PCDHA6: variants seen among roughly 807,000 people sequenced by gnomAD.
PCDHA6 encodes the protein protocadherin alpha-6.
PCDHA6 carries 55 observed loss-of-function variants against 60.3 expected under a neutral mutation model. The ratio of observed to expected loss-of-function variants is 0.91; its 90% confidence interval spans 0.73 to 1.14. The LOEUF (loss-of-function observed/expected upper bound fraction) is 1.14, where lower values mean the gene tolerates loss of function less well. PCDHA6 is among the 50% of genes most tolerant of loss of function. The pLI, the probability that PCDHA6 is intolerant of heterozygous loss-of-function variation, is 0.00. For missense variants in PCDHA6, 1,327 were observed against 1,256.5 expected (o/e 1.06, Z -0.85); for synonymous variants, 652 against 557.9 (o/e 1.17, Z -2.38).
chr5:140,871,137 T>C, intron 1 of PCDHA6: 1 of 1,613,416 alleles, frequency 6.2e-7, no homozygotes, highest in East Asian at 2.2e-5. Flanking sequence ...CAAAGGCCTC[T>C]TCCCGGACTT....
At chr5:140,924,902 A>T (rs1484044152) in intron 1 of PCDHA6, among the ~76,000 whole-genome samples, 1 of 39,026 alleles carries the variant, frequency 2.6e-5, no homozygotes, top group African/African-American at 7.6e-5. Context: ...CTCAAAAAAA[A>T]AAATAAAATA....
rs2042039547 is a variant in PCDHA6 at position 140,851,365 on chromosome 5, CT to C, written c.2394+20881del. The C allele has an allele frequency of 3.1e-6, 3 of 976,302 alleles. 1 individual carries two copies. Among genetic ancestry groups the C allele is most frequent in the Non-Finnish European group, 3.7e-6 (3 of 804,962 alleles). The allele number at this position is 976,302 out of a possible 1,614,324, so 60.5% of individuals were successfully genotyped here. On this transcript the variant is annotated intron_variant, in intron 1 of 3. Transcript: ENST00000529310. Reference sequence around the variant, plus strand: ...TTCTCTGGATGGAGACTGTGAACATCTGATTGTTCAGCAACCTTCAGTATCT... The same window carrying C: ...TTCTCTGGATGGAGACTGTGAACATCGATTGTTCAGCAACCTTCAGTATCT...
intron 1 of PCDHA6, among the ~76,000 whole-genome samples, chr5:140,903,753 A>ACTTGATGACCCATAGTCAAATGTTCAG (rs2070561730): frequency 2.0e-5 from 3 of 152,186 alleles, no homozygotes; most frequent in Non-Finnish European, 4.4e-5. Flanking sequence ...GTTTCCCTTG[A>ACTTGATGACCCATAGTCAAATGTTCAG]TTTTTGCTGA....
chr5:140,969,166 C>T lies in PCDHA6; in HGVS notation c.2395-9783C>T, dbSNP rs1554231524. ...GCTACAAGGCCTGTCTGACAGCAGG[C>T]TCAGGGAGTGACACTTTCATGTTTT... On this transcript the variant is annotated intron_variant, in intron 1 of 3. Transcript: ENST00000529310. 2.5e-6 allele frequency: 4 copies of T among 1,614,092 alleles called. No homozygotes were observed. In the South Asian group the frequency reaches 4.4e-5, roughly 18 times the overall value.
chr5:140,883,973 G>A (rs782157297), intron 1 of PCDHA6: 45 of 1,612,722 alleles, frequency 2.8e-5, no homozygotes, highest in Non-Finnish European at 3.5e-5. Flanking sequence ...GCTGACGCCC[G>A]GGGCTGGCAG....
chr5:140,869,434 G>A, intron 1 of PCDHA6: 1 of 1,614,218 alleles, frequency 6.2e-7, no homozygotes, highest in Non-Finnish European at 8.5e-7. Flanking sequence ...GGTGATCGTG[G>A]ACAGGCCGCT....
chr5:140,906,194 A>C (rs543979654), intron 1 of PCDHA6, among the ~76,000 whole-genome samples: 6 of 152,288 alleles, frequency 3.9e-5, no homozygotes, highest in African/African-American at 1.2e-4. Context: ...AATCCAATCA[A>C]GTTGACACTC....
At chr5:140,897,758 C>T (rs2066305789) in intron 1 of PCDHA6, among the ~76,000 whole-genome samples, 3 of 152,140 alleles carry the variant, frequency 2.0e-5, no homozygotes, top group Non-Finnish European at 4.4e-5. Context: ...CCTGAGGAAT[C>T]GCCACACTGA....
chr5:140,886,844 A>G (rs11748231), intron 1 of PCDHA6, among the ~76,000 whole-genome samples: 22,325 of 150,652 alleles, frequency 0.15, 1,711 homozygotes, highest in Middle Eastern at 0.2. Context: ...AAAAAAAAAA[A>G]AAAGAAAGGT....
At chr5:140,836,468 T>G (rs1227457835) in intron 1 of PCDHA6, 1 of 1,613,696 alleles carries the variant, frequency 6.2e-7, no homozygotes, top group African/African-American at 1.3e-5. Flanking sequence ...AGCTGGTGGA[T>G]GTCAACGTGT....
intron 1 of PCDHA6, chr5:140,863,200 GC>G: frequency 1.1e-6 from 1 of 918,418 alleles, no homozygotes. Context: ...GGCGTCGCTG[GC>G]GGAGAGCAGC....
chr5:140,863,076 G>C (rs782126148), intron 1 of PCDHA6: 2 of 570,034 alleles, frequency 3.5e-6, no homozygotes, highest in South Asian at 2.7e-5. Context: ...GGCTCTGCAC[G>C]GGCGAGATCA....
At position 140,829,959 on chromosome 5, in the gene PCDHA6, G is replaced by T. The variant is rs1206602805; in HGVS notation, c.1868G>T (p.Arg623Leu). The T allele has an allele frequency of 1.2e-6, 2 of 1,613,960 alleles. No individual in the cohort carries two copies. Among genetic ancestry groups the T allele is most frequent in the Non-Finnish European group, 1.7e-6 (2 of 1,179,910 alleles). Residue 623 changes from arginine (R) to leucine (L), a missense_variant, in exon 1 of 4, where the codon CGC becomes CTC. Coordinates refer to ENST00000529310, the MANE Select transcript of PCDHA6 (RefSeq NM_018909.4). ...GCAAGCAGCGCTCGCTTCCCGTTTC[G>T]CGTGGGGCTGTACACGGGCGAGATC... ...PPASSARFPF[R>L]VGLYTGEIST...
chr5:140,856,314 T>C (rs2043919733), intron 1 of PCDHA6: 1 of 1,598,440 alleles, frequency 6.3e-7, no homozygotes, highest in African/African-American at 1.3e-5. Context: ...AATTCTCGGA[T>C]TGACCGCGAG....
intron 1 of PCDHA6, among the ~76,000 whole-genome samples, chr5:140,943,353 G>A (rs2093481887): frequency 6.6e-6 from 1 of 151,602 alleles, no homozygotes; most frequent in Non-Finnish European, 1.5e-5. Flanking sequence ...TGAGAGTAGA[G>A]GAAAGGAGAT....
chr5:140,882,490 T>C, intron 1 of PCDHA6: 1 of 1,614,024 alleles, frequency 6.2e-7, no homozygotes, highest in Non-Finnish European at 8.5e-7. Context: ...ACGGGGACCT[T>C]CTGGAGGTAA....
chr5:140,861,378 C>A, intron 1 of PCDHA6: 1 of 421,170 alleles, frequency 2.4e-6, no homozygotes. Flanking sequence ...CCCTATTGCG[C>A]AGGACCTGGG....
intron 1 of PCDHA6, chr5:140,848,534 T>C (rs2150412178): frequency 6.3e-7 from 1 of 1,595,182 alleles, no homozygotes; most frequent in Non-Finnish European, 8.6e-7. Flanking sequence ...AGGGTCAGCC[T>C]CTACTGCTCT....
At chr5:140,889,946 C>T (rs1554184112) in intron 1 of PCDHA6, among the ~76,000 whole-genome samples, 1 of 152,114 alleles carries the variant, frequency 6.6e-6, no homozygotes, top group East Asian at 1.9e-4. Flanking sequence ...TGTGAGAAGC[C>T]AAATGGATAG....
Sources: gnomAD v4.1 joint callset for allele counts (sites outside exome capture counted in the v4.1 genomes callset) on GRCh38, gnomAD v4.1.1 for gene constraint, MANE v1.5 for transcripts, NCBI Gene and HGNC (gene_info 2026-07-23, HGNC 2026-07-21) for gene names.